UMAD1: variants seen among roughly 807,000 people sequenced by gnomAD.
The protein encoded by UMAD1 is UBAP1-MVB12-associated (UMA)-domain containing protein 1.
A neutral mutation model predicts 6.1 loss-of-function variants in UMAD1; 8 were observed. The observed-to-expected ratio is 1.30, with a 90% CI of 0.76 to 2.35. UMAD1 has a LOEUF of 2.35. Ranked by LOEUF, UMAD1 falls within the 30% of genes most tolerant of loss-of-function variation. The pLI, the probability that UMAD1 is intolerant of heterozygous loss-of-function variation, is 0.00. For missense variants in UMAD1, 130 were observed against 78.4 expected (o/e 1.66, Z -2.49); for synonymous variants, 56 against 31.4 (o/e 1.78, Z -2.61).
chr7:7,738,379 A>G (rs1781401904), intron 2 of UMAD1: 1 of 152,234 alleles, frequency 6.6e-6, no homozygotes, highest in African/African-American at 2.4e-5. Context: ...TTTGAGTTGG[A>G]TAACTTGCTG....
intron 2 of UMAD1, among the ~76,000 whole-genome samples, chr7:7,749,708 A>G (rs1437642163): frequency 3.3e-5 from 5 of 152,182 alleles, no homozygotes; most frequent in Non-Finnish European, 7.4e-5. Context: ...TGTAGATATG[A>G]TGAAAAGATT....
chr7:7,864,443 G>A (rs978746869), intron 3 of UMAD1, among the ~76,000 whole-genome samples: 5 of 151,916 alleles, frequency 3.3e-5, no homozygotes, highest in Admixed American at 2.6e-4. Flanking sequence ...GCTGGACAGG[G>A]CACCATCCCA....
intron 1 of UMAD1, among the ~76,000 whole-genome samples, chr7:7,645,262 A>C (rs973671541): frequency 6.6e-6 from 1 of 152,128 alleles, no homozygotes; most frequent in Non-Finnish European, 1.5e-5. Context: ...TTTTGAATAG[A>C]AATAGTGTTT....
intron 2 of UMAD1, among the ~76,000 whole-genome samples, chr7:7,768,297 G>A (rs1057282671): frequency 6.6e-6 from 1 of 152,092 alleles, no homozygotes; most frequent in African/African-American, 2.4e-5. Context: ...AAGAGAACAA[G>A]CATAATTTTG....
intron 2 of UMAD1, among the ~76,000 whole-genome samples, chr7:7,702,670 A>G (rs1236555886): frequency 2.6e-5 from 4 of 152,222 alleles, no homozygotes; most frequent in Non-Finnish European, 1.5e-5. Context: ...TGTGTATATT[A>G]AGTGACTTTC....
At chr7:7,741,781 G>T (rs979936046) in intron 2 of UMAD1, among the ~76,000 whole-genome samples, 1 of 151,766 alleles carries the variant, frequency 6.6e-6, no homozygotes, top group African/African-American at 2.4e-5. Context: ...TATGATAAGA[G>T]CAGAGAAAAA....
At chr7:7,693,750 CCTT>C (rs1002695968) in intron 2 of UMAD1, among the ~76,000 whole-genome samples, 113 of 151,766 alleles carry the variant, frequency 7.4e-4, no homozygotes, top group African/African-American at 2.6e-3. Flanking sequence ...AGTTTTATAT[CCTT>C]CTTTAAATAT....
intron 2 of UMAD1, among the ~76,000 whole-genome samples, chr7:7,720,830 T>C (rs1781032980): frequency 6.6e-6 from 1 of 152,188 alleles, no homozygotes; most frequent in African/African-American, 2.4e-5. Flanking sequence ...GGTTGAATTC[T>C]GTCCCCCCAA....
intron 1 of UMAD1, among the ~76,000 whole-genome samples, chr7:7,642,640 A>T (rs1785000401): frequency 1.3e-5 from 2 of 152,212 alleles, no homozygotes; most frequent in Admixed American, 1.3e-4. Flanking sequence ...TTAAAATATT[A>T]TAAAATACAT....
intron 2 of UMAD1, among the ~76,000 whole-genome samples, chr7:7,718,839 A>G (rs1373278298): frequency 6.6e-6 from 1 of 152,060 alleles, no homozygotes; most frequent in Non-Finnish European, 1.5e-5. Flanking sequence ...TTAATTTAAA[A>G]AGAAACCTCT....
chr7:7,761,216 A>G (rs181530204), intron 2 of UMAD1, among the ~76,000 whole-genome samples: 1 of 152,140 alleles, frequency 6.6e-6, no homozygotes, highest in Non-Finnish European at 1.5e-5. Context: ...TATACAAAAA[A>G]TTAGCCAATA....
intron 2 of UMAD1, among the ~76,000 whole-genome samples, chr7:7,700,977 G>A (rs111384422): frequency 0.019 from 2,840 of 152,272 alleles, 87 homozygotes; most frequent in African/African-American, 0.065. Flanking sequence ...TTGAGCCCAG[G>A]AGTTTGAGGC....
intron 3 of UMAD1, among the ~76,000 whole-genome samples, chr7:7,806,107 A>G (rs1335556518): frequency 6.6e-6 from 1 of 152,172 alleles, no homozygotes; most frequent in East Asian, 1.9e-4. Flanking sequence ...TCTATAACCA[A>G]GGCCTAATGT....
At position 7,872,141 on chromosome 7, in the gene UMAD1, C is replaced by G. The variant is rs1270347957; in HGVS notation, c.157-5140C>G. Reference sequence around the variant, plus strand: ...AGTTGTGTGTTTAGAAAGCAAAATGCTACAGGTAATGTACAGGCATACCTC... The same window carrying G: ...AGTTGTGTGTTTAGAAAGCAAAATGGTACAGGTAATGTACAGGCATACCTC... On this transcript the variant is annotated intron_variant, in intron 3 of 3. Coordinates refer to ENST00000682710, the MANE Select transcript of UMAD1 (RefSeq NM_001302348.2). Among the ~76,000 whole-genome samples, 5 of 151,758 alleles carry G rather than the reference C, an allele frequency of 3.3e-5. No homozygotes were observed. In the East Asian group the frequency reaches 9.7e-4, roughly 29 times the overall value.
intron 2 of UMAD1, among the ~76,000 whole-genome samples, chr7:7,724,620 C>G (rs575324045): frequency 2.6e-5 from 4 of 152,324 alleles, no homozygotes; most frequent in African/African-American, 9.6e-5. Context: ...ACTCAGCTCT[C>G]CTGTTTGGCC....
chr7:7,713,839 A>T (rs964118009), intron 2 of UMAD1, among the ~76,000 whole-genome samples: 19 of 151,948 alleles, frequency 1.3e-4, no homozygotes, highest in South Asian at 2.1e-4. Flanking sequence ...AATTAAAAAA[A>T]TTTTTTCTAG....
chr7:7,684,711 C>CCATA (rs1779998571), intron 2 of UMAD1, among the ~76,000 whole-genome samples: 1 of 152,150 alleles, frequency 6.6e-6, no homozygotes, highest in African/African-American at 2.4e-5. Context: ...CTGGCTTTAG[C>CCATA]CATAGTACAA....
intron 2 of UMAD1, among the ~76,000 whole-genome samples, chr7:7,721,895 A>G (rs1781057096): frequency 6.6e-6 from 1 of 152,116 alleles, no homozygotes; most frequent in Non-Finnish European, 1.5e-5. Context: ...CCCACCCTTA[A>G]TCTGGATGGG....
intron 2 of UMAD1, among the ~76,000 whole-genome samples, chr7:7,707,422 G>A (rs1436304555): frequency 6.6e-6 from 1 of 152,162 alleles, no homozygotes; most frequent in Non-Finnish European, 1.5e-5. Flanking sequence ...AGCACCATCA[G>A]CAATGTTACC....
Sources: gnomAD v4.1 joint callset for allele counts (sites outside exome capture counted in the v4.1 genomes callset) on GRCh38, gnomAD v4.1.1 for gene constraint, MANE v1.5 for transcripts, NCBI Gene and HGNC (gene_info 2026-07-23, HGNC 2026-07-21) for gene names.